Variants in AGMO observed in about 807,000 individuals in gnomAD.
The protein encoded by AGMO is alkylglycerol monooxygenase, also known as glyceryl-ether monooxygenase.
AGMO carries 75 observed loss-of-function variants against 60.2 expected under a neutral mutation model. The ratio of observed to expected loss-of-function variants is 1.25; its 90% CI spans 1.03 to 1.51. The LOEUF (loss-of-function observed/expected upper bound fraction) is 1.51. AGMO is among the 40% of genes most tolerant of loss of function. The probability of loss-of-function intolerance (pLI) is 0.00; values close to 1 mark genes in which losing one functional copy is unlikely to be tolerated. For missense variants in AGMO, 763 were observed against 525.5 expected, an observed-to-expected ratio of 1.45 and a Z score of -4.42; for synonymous variants, 261 against 177.1, an observed-to-expected ratio of 1.47 and a Z score of -3.76.
intron 12 of AGMO, among the ~76,000 whole-genome samples, chr7:15,296,428 C>A (rs920106220): frequency 1.3e-5 from 2 of 152,144 alleles, no homozygotes; most frequent in African/African-American, 4.8e-5. Context: ...TTAACAGTTT[C>A]TTCCCTGTGC....
intron 12 of AGMO, among the ~76,000 whole-genome samples, chr7:15,221,959 C>G (rs1781936930): frequency 6.6e-6 from 1 of 152,056 alleles, no homozygotes; most frequent in South Asian, 2.1e-4. Context: ...CCAATTATTT[C>G]AAACTTCACA....
At chr7:15,406,525 G>T (rs1363823769) in intron 5 of AGMO, among the ~76,000 whole-genome samples, 1 of 115,130 alleles carries the variant, frequency 8.7e-6, no homozygotes, top group African/African-American at 3.4e-5. Context: ...TGCCAGTTCA[G>T]GTCAGAAGAC....
the AGMO span, among the ~76,000 whole-genome samples, chr7:15,183,354 C>T: frequency 6.6e-6 from 1 of 152,058 alleles, no homozygotes; most frequent in African/African-American, 2.4e-5. Flanking sequence ...GAACAATAGA[C>T]AAGGTGTGTG....
At chr7:15,547,620 AC>A (rs1242101654) in intron 2 of AGMO, among the ~76,000 whole-genome samples, 1 of 152,066 alleles carries the variant, frequency 6.6e-6, no homozygotes, top group African/African-American at 2.4e-5. Flanking sequence ...GGCTTAAAAA[AC>A]GGCGCACCAC....
At chr7:15,477,664 G>A (rs888898862) in intron 3 of AGMO, among the ~76,000 whole-genome samples, 1 of 152,084 alleles carries the variant, frequency 6.6e-6, no homozygotes, top group South Asian at 2.1e-4. Context: ...GTAACTTACT[G>A]TTTCAGATAT....
chr7:15,416,755 C>A (rs1187852713), intron 5 of AGMO, among the ~76,000 whole-genome samples: 4 of 152,118 alleles, frequency 2.6e-5, no homozygotes, highest in Admixed American at 2.0e-4. Flanking sequence ...ATTTACAGTA[C>A]AGGAAAACAT....
chr7:15,547,289 C>A (rs991233447), intron 2 of AGMO, among the ~76,000 whole-genome samples: 4 of 152,106 alleles, frequency 2.6e-5, no homozygotes, highest in Non-Finnish European at 5.9e-5. Flanking sequence ...AACAACTGAT[C>A]TGGAAGAAAG....
At chr7:15,352,305 G>T (rs1782270061) in intron 12 of AGMO, among the ~76,000 whole-genome samples, 1 of 152,076 alleles carries the variant, frequency 6.6e-6, no homozygotes, top group African/African-American at 2.4e-5. Context: ...TTTTATGACG[G>T]TAAATAAACC....
chr7:15,306,631 T>A, intron 12 of AGMO: 1 of 416,292 alleles, frequency 2.4e-6, no homozygotes, highest in Non-Finnish European at 4.8e-6. Context: ...AAAGTTAATA[T>A]GGTTTATGGC....
At chr7:15,130,002 T>TG in the AGMO span, among the ~76,000 whole-genome samples, 82 of 152,236 alleles carry the variant, frequency 5.4e-4, no homozygotes, top group Admixed American at 1.5e-3. Flanking sequence ...GTATAAGAGT[T>TG]GGGGGTCTAG....
the AGMO span, among the ~76,000 whole-genome samples, chr7:15,175,318 CTCT>C: frequency 6.6e-6 from 1 of 151,874 alleles, no homozygotes; most frequent in Non-Finnish European, 1.5e-5. Flanking sequence ...GTATTATTTT[CTCT>C]TCTTTCCAGT....
the AGMO span, among the ~76,000 whole-genome samples, chr7:15,129,061 G>A: frequency 5.3e-5 from 8 of 152,172 alleles, no homozygotes; most frequent in African/African-American, 1.9e-4. Context: ...GTGATTAGTT[G>A]GGAAGCATGT....
intron 2 of AGMO, among the ~76,000 whole-genome samples, chr7:15,558,055 A>AT (rs1562573060): frequency 1.4e-5 from 2 of 146,428 alleles, no homozygotes; most frequent in Non-Finnish European, 1.5e-5. Flanking sequence ...TTTGGGGTGT[A>AT]TTTTTTGTAA....
intron 3 of AGMO, among the ~76,000 whole-genome samples, chr7:15,500,244 C>G (rs1783345953): frequency 6.6e-6 from 1 of 151,802 alleles, no homozygotes. Flanking sequence ...TGCTTTTAAA[C>G]TGAGTCTTTT....
chr7:15,150,413 C>T, the AGMO span, among the ~76,000 whole-genome samples: 7 of 151,966 alleles, frequency 4.6e-5, no homozygotes, highest in Non-Finnish European at 1.0e-4. Flanking sequence ...CAGCTTTTGC[C>T]CATTTAGTAT....
chr7:15,359,560 T>C (rs1024662078), intron 12 of AGMO, among the ~76,000 whole-genome samples: 1 of 152,154 alleles, frequency 6.6e-6, no homozygotes, highest in African/African-American at 2.4e-5. Flanking sequence ...TTGCAAGCAG[T>C]TCTTAAATAT....
In AGMO at chr7:15,385,530, AGAT is replaced by A. The variant is rs764040888; in HGVS notation, c.987_989del (p.Ser332del). ...TATATATCTTTAATAGCTGAGATGA[AGAT>A]GATGAGAAGGGAACTTCTTTGCCGG... On this transcript the variant is annotated inframe_deletion, in exon 10 of 13. Transcript: ENST00000342526. The A allele has an allele frequency of 6.2e-6, 10 of 1,613,100 alleles. No individual in the cohort carries two copies. The highest frequency in any genetic ancestry group is 3.3e-5 in the Admixed American group (2 of 59,966).
intron 12 of AGMO, among the ~76,000 whole-genome samples, chr7:15,226,116 T>C (rs1435563471): frequency 6.6e-6 from 1 of 152,026 alleles, no homozygotes; most frequent in Non-Finnish European, 1.5e-5. Context: ...AAACTAGCCT[T>C]TCTCACCTTA....
intron 3 of AGMO, among the ~76,000 whole-genome samples, chr7:15,442,258 A>G (rs189005654): frequency 1.1e-3 from 170 of 152,270 alleles, no homozygotes; most frequent in Admixed American, 6.2e-3. Flanking sequence ...ATTATTACCA[A>G]TTATAGATGT....
Sources: allele counts gnomAD v4.1 joint callset (sites outside exome capture counted in the v4.1 genomes callset), GRCh38; gene constraint gnomAD v4.1.1; transcripts MANE v1.5; gene names NCBI Gene and HGNC (gene_info 2026-07-23, HGNC 2026-07-21).